Variants in TBC1D22A observed in about 807,000 individuals in gnomAD.
TBC1D22A encodes the protein putative GTPase activator.
A neutral mutation model predicts 60.2 loss-of-function variants in TBC1D22A; 38 were observed. That is an observed-to-expected ratio of 0.63 (90% CI 0.49 to 0.83). The LOEUF (loss-of-function observed/expected upper bound fraction) is 0.83. Ranked by LOEUF, TBC1D22A falls within the 40% of genes least tolerant of loss-of-function variation. The probability of loss-of-function intolerance (pLI) is 0.00; values close to 1 mark genes in which losing one functional copy is unlikely to be tolerated. For synonymous variants in TBC1D22A, 302 were observed against 281.7 expected, an observed-to-expected ratio of 1.07 and a Z score of -0.72; for missense variants, 628 against 701.0, an observed-to-expected ratio of 0.90 and a Z score of 1.18.
intron 11 of TBC1D22A, among the ~76,000 whole-genome samples, chr22:47,079,296 AG>A (rs2064360607): frequency 2.6e-5 from 4 of 152,114 alleles, no homozygotes; most frequent in Admixed American, 6.5e-5. Flanking sequence ...CATATTGGCC[AG>A]GCTGGTGTTG....
At chr22:46,774,470 G>A (rs1422882807) in intron 1 of TBC1D22A, among the ~76,000 whole-genome samples, 8 of 152,262 alleles carry the variant, frequency 5.3e-5, no homozygotes, top group Admixed American at 5.2e-4. Context: ...TTCATGAAGG[G>A]GCACGTAGGC....
At chr22:46,967,516 G>A (rs1370473320) in intron 8 of TBC1D22A, among the ~76,000 whole-genome samples, 1 of 152,210 alleles carries the variant, frequency 6.6e-6, no homozygotes, top group Admixed American at 6.5e-5. Flanking sequence ...TTTGTGCAGT[G>A]TGGGTGATGA....
Position 46,991,046 on chromosome 22 carries a change from A to G in TBC1D22A, c.1126-6588A>G, listed in dbSNP as rs560367163. Among the ~76,000 whole-genome samples, 7 of 152,212 alleles carry G rather than the reference A, an allele frequency of 4.6e-5. No homozygotes were observed. The East Asian group carries it at 1.4e-3, about 29-fold the overall frequency. ...GACACATCATGGAAGGTGCGGAATT[A>G]GGGGGAGGTTGGGTTTGCACTCTAT... is the stretch of plus-strand genomic sequence containing the variant. On this transcript the variant is annotated intron_variant, in intron 9 of 12. Transcript: ENST00000337137.
intron 11 of TBC1D22A, among the ~76,000 whole-genome samples, chr22:47,062,087 C>CAAAAAAAAAAAA (rs908701365): frequency 1.1e-4 from 7 of 63,000 alleles, no homozygotes; most frequent in Admixed American, 4.2e-4. Flanking sequence ...GACTCCATCT[C>CAAAAAAAAAAAA]AAAAAAAAAA....
chr22:47,041,772 A>G (rs2062851126), intron 11 of TBC1D22A, among the ~76,000 whole-genome samples: 2 of 152,190 alleles, frequency 1.3e-5, no homozygotes, highest in Admixed American at 1.3e-4. Context: ...AAAGGGCTAG[A>G]TAGTAAATAT....
At chr22:46,824,805 G>A (rs2085978792) in intron 4 of TBC1D22A, among the ~76,000 whole-genome samples, 1 of 152,098 alleles carries the variant, frequency 6.6e-6, no homozygotes, top group Non-Finnish European at 1.5e-5. Context: ...ATCAGGAGTG[G>A]CTGTTGAGGA....
At chr22:46,811,069 G>T (rs1394753187) in intron 4 of TBC1D22A, among the ~76,000 whole-genome samples, 1 of 152,362 alleles carries the variant, frequency 6.6e-6, no homozygotes, top group East Asian at 1.9e-4. Context: ...CAAGTACCCT[G>T]GGTGCAGGGC....
chr22:47,151,702 C>T (rs1405931707), intron 12 of TBC1D22A, among the ~76,000 whole-genome samples: 3 of 152,166 alleles, frequency 2.0e-5, no homozygotes, highest in African/African-American at 2.4e-5. Context: ...CTCTTTCAGA[C>T]CTGTGTGGTC....
intron 8 of TBC1D22A, among the ~76,000 whole-genome samples, chr22:46,925,634 T>C (rs2147863977): frequency 6.6e-6 from 1 of 152,394 alleles, no homozygotes; most frequent in African/African-American, 2.4e-5. Context: ...GTAGCTATTA[T>C]ATTATGCATG....
At chr22:46,804,677 T>A (rs958796744) in intron 4 of TBC1D22A, among the ~76,000 whole-genome samples, 2 of 152,236 alleles carry the variant, frequency 1.3e-5, no homozygotes, top group African/African-American at 4.8e-5. Flanking sequence ...AAATTAGATA[T>A]GATTTGGTGA....
intron 3 of TBC1D22A, among the ~76,000 whole-genome samples, chr22:46,796,604 G>A (rs1481476392): frequency 6.6e-6 from 1 of 152,058 alleles, no homozygotes; most frequent in Non-Finnish European, 1.5e-5. Flanking sequence ...AGTGATCTGA[G>A]GGCCTTAGGG....
intron 8 of TBC1D22A, among the ~76,000 whole-genome samples, chr22:46,949,360 A>C (rs965865274): frequency 4.6e-5 from 7 of 152,206 alleles, no homozygotes; most frequent in Non-Finnish European, 7.3e-5. Context: ...AACCTATGCC[A>C]GAGAAAGAAG....
chr22:47,141,619 C>A (rs902774681), intron 12 of TBC1D22A, among the ~76,000 whole-genome samples: 1 of 152,184 alleles, frequency 6.6e-6, no homozygotes, highest in African/African-American at 2.4e-5. Context: ...TTCCGGAAGG[C>A]CCTCCCAACT....
At chr22:47,160,377 T>C (rs2067931403) in intron 12 of TBC1D22A, among the ~76,000 whole-genome samples, 1 of 152,224 alleles carries the variant, frequency 6.6e-6, no homozygotes, top group Non-Finnish European at 1.5e-5. Context: ...CCTGGAATCA[T>C]GTGGCCCATT....
In TBC1D22A at chr22:47,051,833, G is replaced by C. The variant is rs140395642; in HGVS notation, c.1329+14635G>C. On this transcript the variant is annotated intron_variant, in intron 11 of 12. Coordinates refer to ENST00000337137, the MANE Select transcript of TBC1D22A (RefSeq NM_014346.5). ...GTGGAGAAGACTCCTTCTCTGCTTT[G>C]TATTCAGGGATTCAGTTTGTTTCAG... is the stretch of plus-strand genomic sequence containing the variant. 7.8e-3 allele frequency among the ~76,000 whole-genome samples: 1,187 copies of C among 152,326 alleles called. 19 individuals are homozygous for C. The highest frequency in any genetic ancestry group is 0.027 in the African/African-American group (1,122 of 41,566).
At chr22:46,811,790 A>G (rs1569073254) in intron 4 of TBC1D22A, among the ~76,000 whole-genome samples, 1 of 152,164 alleles carries the variant, frequency 6.6e-6, no homozygotes, top group South Asian at 2.1e-4. Context: ...GGAAAAGCCA[A>G]AAATGCAGCT....
intron 12 of TBC1D22A, among the ~76,000 whole-genome samples, chr22:47,126,498 G>C (rs2066463083): frequency 6.6e-6 from 1 of 152,318 alleles, no homozygotes; most frequent in South Asian, 2.1e-4. Context: ...CAGCCTGGTG[G>C]GTGGGCTGCT....
chr22:46,963,022 G>A (rs1480061349), intron 8 of TBC1D22A, among the ~76,000 whole-genome samples: 1 of 151,474 alleles, frequency 6.6e-6, no homozygotes, highest in East Asian at 1.9e-4. Context: ...GACCATTCCT[G>A]GCTAACATGG....
chr22:47,163,456 G>A (rs1032870172), intron 12 of TBC1D22A, among the ~76,000 whole-genome samples: 6 of 152,256 alleles, frequency 3.9e-5, no homozygotes, highest in Admixed American at 3.3e-4. Flanking sequence ...GCCTCCTGGA[G>A]CACAGGTGCA....
Sources: gnomAD v4.1 joint callset for allele counts (sites outside exome capture counted in the v4.1 genomes callset) on GRCh38, gnomAD v4.1.1 for gene constraint, MANE v1.5 for transcripts, NCBI Gene and HGNC (gene_info 2026-07-23, HGNC 2026-07-21) for gene names.